The following RABGAP1L variants were observed in gnomAD, a reference collection of about 807,000 sequenced individuals.
The protein encoded by RABGAP1L is rab GTPase-activating protein 1-like.
In RABGAP1L, 63 loss-of-function variants were observed where a neutral mutation model predicts 137.7. The ratio of observed to expected loss-of-function variants is 0.46; its 90% CI spans 0.37 to 0.56. RABGAP1L has a LOEUF of 0.56. Among genes scored for constraint, RABGAP1L ranks in the 20% least tolerant of loss-of-function variants. The pLI, the probability that RABGAP1L is intolerant of heterozygous loss-of-function variation, is 0.00. For synonymous variants in RABGAP1L, 431 were observed against 433.7 expected, an observed-to-expected ratio of 0.99 and a Z score of 0.08; for missense variants, 1,095 against 1,244.0, an observed-to-expected ratio of 0.88 and a Z score of 1.80.
intron 14 of RABGAP1L, among the ~76,000 whole-genome samples, chr1:174,672,770 G>A (rs184900231): frequency 2.4e-4 from 36 of 152,016 alleles, no homozygotes; most frequent in East Asian, 7.7e-4. Flanking sequence ...ATTTTTAAAC[G>A]TTCCTCCTGT....
At chr1:174,174,563 A>G (rs1665683148) in intron 1 of RABGAP1L, among the ~76,000 whole-genome samples, 1 of 152,218 alleles carries the variant, frequency 6.6e-6, no homozygotes, top group Admixed American at 6.5e-5. Flanking sequence ...CAAAGGCCTG[A>G]GAACCAGCAG....
intron 13 of RABGAP1L, among the ~76,000 whole-genome samples, chr1:174,612,988 T>C (rs192856350): frequency 2.6e-5 from 4 of 151,782 alleles, no homozygotes; most frequent in African/African-American, 9.7e-5. Flanking sequence ...TCAATTTTGT[T>C]GATCCTTTCA....
intron 13 of RABGAP1L, among the ~76,000 whole-genome samples, chr1:174,615,974 C>A (rs147555655): frequency 0.21 from 31,899 of 152,158 alleles, 3,683 homozygotes; most frequent in Admixed American, 0.25. Context: ...TTCCAGGTGC[C>A]GTCTGTCACC....
intron 1 of RABGAP1L, among the ~76,000 whole-genome samples, chr1:174,207,929 C>A (rs1257954032): frequency 1.3e-5 from 2 of 152,140 alleles, no homozygotes; most frequent in Non-Finnish European, 2.9e-5. Context: ...CAATCAGTCT[C>A]AACAAGTTAT....
chr1:174,586,764 T>C (rs893546157), intron 13 of RABGAP1L, among the ~76,000 whole-genome samples: 1 of 152,040 alleles, frequency 6.6e-6, no homozygotes, highest in Non-Finnish European at 1.5e-5. Flanking sequence ...ACCCAGCTAA[T>C]TTTGTATTTT....
chr1:174,699,416 T>A, intron 15 of RABGAP1L, 109 bp from the exon 16 acceptor site: 1 of 961,980 alleles, frequency 1.0e-6, no homozygotes, highest in South Asian at 2.0e-5. Flanking sequence ...CTTCATTTGC[T>A]CCAGGCCTTC....
chr1:174,986,380 G>A (rs1671594340), intron 24 of RABGAP1L, among the ~76,000 whole-genome samples: 1 of 152,196 alleles, frequency 6.6e-6, no homozygotes, highest in South Asian at 2.1e-4. Flanking sequence ...AGCCTTTTTA[G>A]AAGCTCCCCT....
In RABGAP1L at chr1:174,433,124, T is replaced by C. The variant is rs897896521; in HGVS notation, c.1710+38979T>C. 1.3e-5 allele frequency among the ~76,000 whole-genome samples: 2 copies of C among 152,206 alleles called. 1 individual carries two copies. Among genetic ancestry groups the C allele is most frequent in the Non-Finnish European group, 2.9e-5 (2 of 68,026 alleles). Reference sequence around the variant, plus strand: ...AGTATTATTATCTCCATTTTAAAGATAGAAGCTGAGATACATGGAGAGAAA... The same window carrying C: ...AGTATTATTATCTCCATTTTAAAGACAGAAGCTGAGATACATGGAGAGAAA... On this transcript the variant is annotated intron_variant, in intron 13 of 25. Transcript: ENST00000681986.
chr1:174,811,750 G>T (rs996415747), intron 18 of RABGAP1L, 82 bp from the exon 19 acceptor site: 22 of 1,312,430 alleles, frequency 1.7e-5, no homozygotes, highest in South Asian at 2.3e-5. Flanking sequence ...GTATATTCAA[G>T]AAAATATAAA....
chr1:174,326,564 C>A (rs749019608), intron 11 of RABGAP1L, among the ~76,000 whole-genome samples: 5 of 152,044 alleles, frequency 3.3e-5, no homozygotes, highest in African/African-American at 7.2e-5. Flanking sequence ...ATTTATGGGG[C>A]ACCATCAGAA....
At chr1:174,929,607 A>G (rs1031095874) in intron 19 of RABGAP1L, among the ~76,000 whole-genome samples, 3 of 151,774 alleles carry the variant, frequency 2.0e-5, no homozygotes, top group African/African-American at 7.2e-5. Flanking sequence ...AGCCAGGTGT[A>G]GTGGCATGCG....
intron 19 of RABGAP1L, among the ~76,000 whole-genome samples, chr1:174,826,307 C>T (rs1283503831): frequency 1.3e-5 from 2 of 152,012 alleles, no homozygotes; most frequent in African/African-American, 2.4e-5. Context: ...TCTTCCCTCA[C>T]GCCTCTCGGG....
chr1:174,632,579 G>A (rs1475116619), intron 13 of RABGAP1L, among the ~76,000 whole-genome samples: 3 of 149,996 alleles, frequency 2.0e-5, no homozygotes, highest in Non-Finnish European at 3.0e-5. Flanking sequence ...TTTCTTGGAG[G>A]CTTTGCTCAT....
chr1:174,575,056 G>A (rs1256900888), intron 13 of RABGAP1L, among the ~76,000 whole-genome samples: 5 of 152,078 alleles, frequency 3.3e-5, no homozygotes, highest in African/African-American at 4.8e-5. Flanking sequence ...TCAGCCTTCC[G>A]AGTAGCTGGG....
chr1:174,496,927 G>A (rs1660787820), intron 13 of RABGAP1L, among the ~76,000 whole-genome samples: 1 of 152,176 alleles, frequency 6.6e-6, no homozygotes. Context: ...AATCGATGCT[G>A]CAGAGAAAAA....
intron 13 of RABGAP1L, among the ~76,000 whole-genome samples, chr1:174,598,341 A>T (rs1008878491): frequency 6.7e-6 from 1 of 149,580 alleles, no homozygotes; most frequent in Non-Finnish European, 1.5e-5. Flanking sequence ...AAAAAAAAAA[A>T]AAAAAATGGT....
chr1:174,658,226 A>G (rs928879441), intron 14 of RABGAP1L, among the ~76,000 whole-genome samples: 2 of 152,190 alleles, frequency 1.3e-5, no homozygotes, highest in Admixed American at 6.5e-5. Context: ...AGAGTTCTGA[A>G]AAAGTTGATT....
At chr1:174,286,034 T>C (rs943334861) in intron 10 of RABGAP1L, among the ~76,000 whole-genome samples, 1 of 152,170 alleles carries the variant, frequency 6.6e-6, no homozygotes, top group African/African-American at 2.4e-5. Flanking sequence ...TACTGGCCTA[T>C]AGTTTTCTTG....
intron 13 of RABGAP1L, among the ~76,000 whole-genome samples, chr1:174,617,894 C>T (rs780467476): frequency 4.0e-5 from 6 of 151,854 alleles, no homozygotes; most frequent in Admixed American, 2.6e-4. Flanking sequence ...TGCAGCTAGT[C>T]AAAGAAAGGG....
Sources: allele counts gnomAD v4.1 joint callset (sites outside exome capture counted in the v4.1 genomes callset), GRCh38; gene constraint gnomAD v4.1.1; transcripts MANE v1.5; gene names NCBI Gene and HGNC (gene_info 2026-07-23, HGNC 2026-07-21).